KCNMA1: variants seen among roughly 807,000 people sequenced by gnomAD.
KCNMA1 encodes the protein potassium calcium-activated channel subfamily M alpha 1.
In KCNMA1, 29 loss-of-function variants were observed where a neutral mutation model predicts 140.0. The ratio of observed to expected loss-of-function variants is 0.21; its 90% CI spans 0.15 to 0.28. KCNMA1 has a LOEUF of 0.28. Ranked by LOEUF, KCNMA1 falls within the 10% of genes least tolerant of loss-of-function variation. The pLI, the probability that KCNMA1 is intolerant of heterozygous loss-of-function variation, is 1.00. For synonymous variants in KCNMA1, 612 were observed against 611.9 expected, an observed-to-expected ratio of 1.00 and a Z score of 0.00; for missense variants, 880 against 1,602.2, an observed-to-expected ratio of 0.55 and a Z score of 7.70.
chr10:77,284,694 A>G (rs2070089816), intron 2 of KCNMA1, among the ~76,000 whole-genome samples: 1 of 152,020 alleles, frequency 6.6e-6, no homozygotes. Context: ...TTGTATTTTT[A>G]GTAGAGATGG....
chr10:77,067,130 TGA>T (rs1252316938), intron 14 of KCNMA1, among the ~76,000 whole-genome samples: 1 of 152,174 alleles, frequency 6.6e-6, no homozygotes, highest in Non-Finnish European at 1.5e-5. Context: ...TGTTTCTGCA[TGA>T]GATTAACATT....
At chr10:77,551,419 AG>A (rs1184415836) in intron 1 of KCNMA1, among the ~76,000 whole-genome samples, 1 of 152,152 alleles carries the variant, frequency 6.6e-6, no homozygotes, top group African/African-American at 2.4e-5. Context: ...AAATCTCAAA[AG>A]CTCCAACTTT....
At chr10:76,918,904 A>G (rs184187559) in intron 23 of KCNMA1, among the ~76,000 whole-genome samples, 63 of 143,140 alleles carry the variant, frequency 4.4e-4, no homozygotes, top group African/African-American at 1.4e-3. Flanking sequence ...ACACACACAC[A>G]TATATATATC....
chr10:77,112,397 C>A lies in KCNMA1; in HGVS notation c.930G>T (p.Thr310=), dbSNP rs1486636115. 1 of 1,613,900 alleles carries A rather than the reference C, an allele frequency of 6.2e-7. No homozygotes were observed. Among genetic ancestry groups the A allele is most frequent in the African/African-American group, 1.3e-5 (1 of 75,034 alleles). The part of the protein sequence containing the change: ...LVNLLSIFIS[T]WLTAAGFIHL... Reference sequence around the variant, plus strand: ...GGATGAACCCGGCTGCAGTCAGCCACGTGCTGATAAATATGGAGAGCAGAT... The same window carrying A: ...GGATGAACCCGGCTGCAGTCAGCCAAGTGCTGATAAATATGGAGAGCAGAT... The change falls in exon 7 of 28, where the codon ACG becomes ACT. Residue 310 remains threonine (T), a synonymous_variant. Transcript: ENST00000286628.
intron 23 of KCNMA1, among the ~76,000 whole-genome samples, chr10:76,941,035 A>G (rs1227171446): frequency 1.4e-5 from 1 of 71,350 alleles, no homozygotes; most frequent in Non-Finnish European, 2.9e-5. Flanking sequence ...GAAAGAAAGA[A>G]AGAAAGAAAG....
chr10:77,289,726 T>A (rs1397398930), intron 2 of KCNMA1, among the ~76,000 whole-genome samples: 1 of 152,218 alleles, frequency 6.6e-6, no homozygotes, highest in African/African-American at 2.4e-5. Flanking sequence ...AGTTTAAATA[T>A]AAGGGACTGT....
intron 2 of KCNMA1, among the ~76,000 whole-genome samples, chr10:77,334,012 A>C (rs968738938): frequency 6.6e-6 from 1 of 152,222 alleles, no homozygotes; most frequent in African/African-American, 2.4e-5. Context: ...AAGATCAAGT[A>C]AGCCCACATA....
intron 1 of KCNMA1, among the ~76,000 whole-genome samples, chr10:77,572,569 C>CATATATATAT (rs56706119): frequency 0.03 from 1,116 of 37,498 alleles, 84 homozygotes; most frequent in Non-Finnish European, 0.039. Flanking sequence ...AAAAAAAATC[C>CATATATATAT]ATATATATAT....
chr10:77,266,375 C>T (rs2063445195), intron 2 of KCNMA1, among the ~76,000 whole-genome samples: 1 of 152,172 alleles, frequency 6.6e-6, no homozygotes, highest in Non-Finnish European at 1.5e-5. Context: ...GAACAGCTCC[C>T]TTTGTCCAGG....
chr10:76,910,563 T>C (rs1001449553), intron 24 of KCNMA1: 1 of 261,202 alleles, frequency 3.8e-6, no homozygotes, highest in Non-Finnish European at 7.5e-6. Flanking sequence ...CAAAGGCAGA[T>C]AGCAAGGAAT....
At chr10:76,938,944 C>G (rs2061271462) in intron 23 of KCNMA1, among the ~76,000 whole-genome samples, 1 of 152,186 alleles carries the variant, frequency 6.6e-6, no homozygotes, top group South Asian at 2.1e-4. Context: ...CTTAGCAAGA[C>G]AAGTCTACAC....
intron 1 of KCNMA1, among the ~76,000 whole-genome samples, chr10:77,443,073 G>T (rs970091365): frequency 4.6e-5 from 7 of 152,198 alleles, no homozygotes; most frequent in Non-Finnish European, 2.9e-5. Context: ...ACGATCCAGG[G>T]TGGCTGGGTA....
downstream of KCNMA1, chr10:76,877,644 G>A (rs200545367): frequency 1.4e-5 from 17 of 1,217,192 alleles, no homozygotes; most frequent in Non-Finnish European, 2.0e-5. Context: ...TTATCCTAAC[G>A]TTTCCACCAG....
chr10:76,947,141 C>A (rs1355080342), intron 22 of KCNMA1, among the ~76,000 whole-genome samples: 1 of 151,702 alleles, frequency 6.6e-6, no homozygotes, highest in Non-Finnish European at 1.5e-5. Flanking sequence ...TTGCAACCAT[C>A]CTGGCCAACA....
At chr10:77,019,378 A>G in intron 16 of KCNMA1, 1 of 393,890 alleles carries the variant, frequency 2.5e-6, no homozygotes, top group East Asian at 4.7e-5. Context: ...ATAATGGAGC[A>G]GTCTAGCTGC....
intron 1 of KCNMA1, among the ~76,000 whole-genome samples, chr10:77,607,056 C>T (rs1298207262): frequency 6.6e-6 from 1 of 152,202 alleles, no homozygotes; most frequent in Non-Finnish European, 1.5e-5. Context: ...CATCTTCAGG[C>T]ACTCTTTTGT....
intron 5 of KCNMA1, among the ~76,000 whole-genome samples, chr10:77,162,743 C>G (rs1564911284): frequency 6.6e-6 from 1 of 152,188 alleles, no homozygotes; most frequent in Non-Finnish European, 1.5e-5. Context: ...AACTTAGAGA[C>G]AGTGGGAGAA....
At chr10:77,040,600 G>A (rs2094610836) in intron 14 of KCNMA1, among the ~76,000 whole-genome samples, 1 of 152,060 alleles carries the variant, frequency 6.6e-6, no homozygotes, top group Non-Finnish European at 1.5e-5. Flanking sequence ...AAGAATTTAG[G>A]AAGCTTTATA....
intron 3 of KCNMA1, among the ~76,000 whole-genome samples, chr10:77,242,309 C>G (rs1477041799): frequency 6.6e-6 from 1 of 152,206 alleles, no homozygotes; most frequent in East Asian, 1.9e-4. Flanking sequence ...TTCTCAATCC[C>G]TAATCTCAGT....
Sources: allele counts gnomAD v4.1 joint callset (sites outside exome capture counted in the v4.1 genomes callset), GRCh38; gene constraint gnomAD v4.1.1; transcripts MANE v1.5; gene names NCBI Gene and HGNC (gene_info 2026-07-23, HGNC 2026-07-21).